The following SLC25A21 variants were observed in gnomAD, a reference collection of about 807,000 sequenced individuals.
The protein encoded by SLC25A21 is mitochondrial 2-oxodicarboxylate carrier.
Under a neutral mutation model 43.8 loss-of-function variants are expected in SLC25A21, and 47 were observed. The ratio of observed to expected loss-of-function variants is 1.07; its 90% CI spans 0.85 to 1.37. SLC25A21 has a LOEUF of 1.37. Among genes scored for constraint, SLC25A21 ranks in the 40% most tolerant of loss-of-function variants. SLC25A21 has a pLI of 0.00. For missense variants in SLC25A21, 352 were observed against 350.2 expected (o/e 1.00, Z -0.04); for synonymous variants, 131 against 121.3 (o/e 1.08, Z -0.52).
At chr14:36,710,962 C>T (rs1044796961) in intron 7 of SLC25A21, among the ~76,000 whole-genome samples, 2 of 152,014 alleles carry the variant, frequency 1.3e-5, no homozygotes, top group Non-Finnish European at 2.9e-5. Context: ...AAGTTATGCT[C>T]CTGAGATAAA....
intron 1 of SLC25A21, among the ~76,000 whole-genome samples, chr14:37,035,988 A>C (rs1171937865): frequency 6.6e-6 from 1 of 152,184 alleles, no homozygotes; most frequent in Non-Finnish European, 1.5e-5. Context: ...GAAGTTTAAA[A>C]ATCTCTTGTC....
chr14:36,897,089 T>C (rs922707343), intron 1 of SLC25A21, among the ~76,000 whole-genome samples: 5 of 152,252 alleles, frequency 3.3e-5, no homozygotes, highest in African/African-American at 1.2e-4. Flanking sequence ...TTGGCCTGCC[T>C]TGCTAGATTG....
intron 1 of SLC25A21, among the ~76,000 whole-genome samples, chr14:37,040,141 A>G (rs1222240657): frequency 6.7e-6 from 1 of 149,734 alleles, no homozygotes; most frequent in Non-Finnish European, 1.5e-5. Context: ...TGGAAGTTGC[A>G]GTGAACCAAG....
chr14:36,691,680 T>A (rs1274862188), intron 7 of SLC25A21, among the ~76,000 whole-genome samples: 1 of 152,190 alleles, frequency 6.6e-6, no homozygotes, highest in African/African-American at 2.4e-5. Flanking sequence ...ATAGTGAGAC[T>A]GTCTTTAGAA....
At chr14:37,162,848 T>C (rs1325913667) in intron 1 of SLC25A21, among the ~76,000 whole-genome samples, 3 of 152,164 alleles carry the variant, frequency 2.0e-5, no homozygotes, top group African/African-American at 7.2e-5. Flanking sequence ...ACATGTATGT[T>C]TATTGCAGCA....
intron 1 of SLC25A21, among the ~76,000 whole-genome samples, chr14:37,137,192 T>C (rs1963496906): frequency 6.6e-6 from 1 of 152,018 alleles, no homozygotes; most frequent in East Asian, 1.9e-4. Context: ...AGAGACGGGG[T>C]TTCACCGCAT....
intron 3 of SLC25A21, among the ~76,000 whole-genome samples, chr14:36,771,814 A>G (rs1886630591): frequency 6.6e-6 from 1 of 152,118 alleles, no homozygotes; most frequent in African/African-American, 2.4e-5. Context: ...ACATAAAAAT[A>G]TTAATAAGGA....
In SLC25A21 at chr14:36,989,868, G is replaced by C. The variant is rs540233789; in HGVS notation, c.71-114864C>G. Among the ~76,000 whole-genome samples, 11 of 151,362 alleles carry C rather than the reference G, an allele frequency of 7.3e-5. No homozygotes were observed. In the East Asian group the frequency reaches 2.1e-3, roughly 29 times the overall value. On this transcript the variant is annotated intron_variant, in intron 1 of 9. Transcript: ENST00000331299. ...TCTACTGGGACAAGTTAGGATATGA[G>C]CATATGACTTTCCTTTTCAAAAAAA...
chr14:36,711,202 A>T, intron 7 of SLC25A21, 116 bp downstream of exon 7: 1 of 878,370 alleles, frequency 1.1e-6, no homozygotes, highest in Non-Finnish European at 1.7e-6. Flanking sequence ...GGATCAAATT[A>T]GATAATAGAT....
chr14:36,918,244 T>C (rs1189000518), intron 1 of SLC25A21, among the ~76,000 whole-genome samples: 1 of 152,168 alleles, frequency 6.6e-6, no homozygotes, highest in Non-Finnish European at 1.5e-5. Flanking sequence ...ATGGTAGACA[T>C]ACTTTGAGTT....
At chr14:37,108,704 A>AGTGTGTGTGTGTGTGTGT (rs56801840) in intron 1 of SLC25A21, among the ~76,000 whole-genome samples, 1 of 149,240 alleles carries the variant, frequency 6.7e-6, no homozygotes, top group African/African-American at 2.5e-5. Context: ...AGTTTTGTTA[A>AGTGTGTGTGTGTGTGTGT]GTGTGTGTGT....
chr14:37,006,650 A>T (rs1960610821), intron 1 of SLC25A21, among the ~76,000 whole-genome samples: 1 of 121,290 alleles, frequency 8.2e-6, no homozygotes, highest in Non-Finnish European at 1.8e-5. Context: ...AGAATCCCAG[A>T]ACACCTTAAT....
At chr14:36,731,396 G>A (rs1033696888) in intron 4 of SLC25A21, among the ~76,000 whole-genome samples, 6 of 152,168 alleles carry the variant, frequency 3.9e-5, no homozygotes, top group Non-Finnish European at 8.8e-5. Flanking sequence ...GAAAGCACAG[G>A]AAAGCTGCTT....
chr14:37,123,293 G>A (rs990155014), intron 1 of SLC25A21, among the ~76,000 whole-genome samples: 34 of 152,262 alleles, frequency 2.2e-4, no homozygotes, highest in African/African-American at 7.2e-4. Flanking sequence ...TTATTCTTCC[G>A]ATTCCTCGAT....
intron 1 of SLC25A21, among the ~76,000 whole-genome samples, chr14:36,998,431 G>T (rs1960418542): frequency 6.6e-6 from 1 of 152,106 alleles, no homozygotes; most frequent in African/African-American, 2.4e-5. Flanking sequence ...TGAATCATGA[G>T]GAATCATGAC....
chr14:36,806,090 C>T (rs754786976), intron 3 of SLC25A21, among the ~76,000 whole-genome samples: 11 of 127,890 alleles, frequency 8.6e-5, no homozygotes, highest in South Asian at 5.4e-4. Flanking sequence ...GTGGCGGCCA[C>T]CTGTAATGCC....
intron 1 of SLC25A21, among the ~76,000 whole-genome samples, chr14:37,165,805 A>G (rs1175922110): frequency 6.6e-6 from 1 of 152,172 alleles, no homozygotes; most frequent in African/African-American, 2.4e-5. Context: ...ATGGGAAATA[A>G]GAACTACCCC....
At chr14:37,003,108 C>T (rs1402738959) in intron 1 of SLC25A21, among the ~76,000 whole-genome samples, 2 of 152,172 alleles carry the variant, frequency 1.3e-5, no homozygotes, top group Non-Finnish European at 2.9e-5. Context: ...CCTATACACA[C>T]TACATCTTTT....
intron 7 of SLC25A21, among the ~76,000 whole-genome samples, chr14:36,699,535 C>T (rs531202411): frequency 6.6e-6 from 1 of 152,312 alleles, no homozygotes; most frequent in African/African-American, 2.4e-5. Flanking sequence ...GCCTTTTATT[C>T]AGCTATGCCT....
Sources: gnomAD v4.1 joint callset for allele counts (sites outside exome capture counted in the v4.1 genomes callset) on GRCh38, gnomAD v4.1.1 for gene constraint, MANE v1.5 for transcripts, NCBI Gene and HGNC (gene_info 2026-07-23, HGNC 2026-07-21) for gene names.